Variants in CNGB1 observed in about 807,000 individuals in gnomAD.
CNGB1 encodes the protein cyclic nucleotide gated channel subunit beta 1, also known as cyclic nucleotide-gated channel beta-1.
CNGB1 carries 126 observed loss-of-function variants against 151.7 expected under a neutral mutation model. The ratio of observed to expected loss-of-function variants is 0.83; its 90% CI spans 0.72 to 0.96. The LOEUF is 0.96. Ranked by LOEUF, CNGB1 falls within the 40% of genes least tolerant of loss-of-function variation. CNGB1 has a pLI of 0.00. For missense variants in CNGB1, 1,698 were observed against 1,627.0 expected, an observed-to-expected ratio of 1.04 and a Z score of -0.75; for synonymous variants, 623 against 635.1, an observed-to-expected ratio of 0.98 and a Z score of 0.29.
At chr16:57,918,406 G>A (rs1331557777) in intron 20 of CNGB1, among the ~76,000 whole-genome samples, 1 of 152,194 alleles carries the variant, frequency 6.6e-6, no homozygotes, top group Non-Finnish European at 1.5e-5. Flanking sequence ...AGATAAGAAA[G>A]GCAGGGAGCC....
intron 25 of CNGB1, 61 bp from the exon 26 acceptor site, chr16:57,904,936 A>G: frequency 2.5e-6 from 4 of 1,606,542 alleles, no homozygotes; most frequent in Non-Finnish European, 3.4e-6. Flanking sequence ...CGCCCCGAGC[A>G]GTCTGGCTCA....
At chr16:57,925,040 T>C (rs1961146886) in intron 17 of CNGB1, among the ~76,000 whole-genome samples, 1 of 152,212 alleles carries the variant, frequency 6.6e-6, no homozygotes, top group African/African-American at 2.4e-5. Context: ...TCTTGCTCTG[T>C]CACCCAGGCT....
intron 18 of CNGB1, 69 bp downstream of exon 18, chr16:57,923,204 A>G: frequency 1.6e-6 from 2 of 1,223,664 alleles, no homozygotes; most frequent in Non-Finnish European, 2.3e-6. Context: ...AAGCATCCAC[A>G]CTAGCCCCCC....
chr16:57,901,308 G>A, intron 29 of CNGB1, 44 bp downstream of exon 29: 1 of 1,586,400 alleles, frequency 6.3e-7, no homozygotes, highest in Non-Finnish European at 8.6e-7. Flanking sequence ...AAGCCAGGGG[G>A]ATGGTGAACC....
At position 57,956,721 on chromosome 16, in the gene CNGB1, T is replaced by C. The variant is rs998751815; in HGVS notation, c.874+620A>G. Among the ~76,000 whole-genome samples the C allele has an allele frequency of 5.9e-5, 9 of 152,190 alleles. No homozygotes were observed. In the South Asian group the frequency reaches 8.3e-4, roughly 14 times the overall value. Reference sequence around the variant, plus strand: ...ACATAGTAGGCTGTCCTTAACTATGTATTGAATGAATGAATGAATGAATGC... The same window carrying C: ...ACATAGTAGGCTGTCCTTAACTATGCATTGAATGAATGAATGAATGAATGC... On this transcript the variant is annotated intron_variant, in intron 12 of 32. Transcript: ENST00000251102.
At chr16:57,916,043 C>A in intron 22 of CNGB1, 86 bp downstream of exon 22, 1 of 1,304,128 alleles carries the variant, frequency 7.7e-7, no homozygotes, top group South Asian at 1.2e-5. Flanking sequence ...AACCACATCT[C>A]ATGAACGCCC....
At chr16:57,916,820 A>G (rs1336856352) in intron 21 of CNGB1, among the ~76,000 whole-genome samples, 1 of 152,162 alleles carries the variant, frequency 6.6e-6, no homozygotes, top group East Asian at 1.9e-4. Flanking sequence ...CCCTGGGAGA[A>G]GTCAATTGCC....
intron 31 of CNGB1, among the ~76,000 whole-genome samples, chr16:57,888,509 C>G (rs1457776286): frequency 6.6e-6 from 1 of 152,142 alleles, no homozygotes; most frequent in Non-Finnish European, 1.5e-5. Context: ...GGCTCTGTCG[C>G]CCAGGCAGGA....
At chr16:57,912,856 T>A (rs1960765155) in intron 24 of CNGB1, 74 bp downstream of exon 24, 36 of 1,423,336 alleles carry the variant, frequency 2.5e-5, no homozygotes, top group Non-Finnish European at 3.1e-5. Context: ...CTGTGTTGTG[T>A]GTGTATTGCG....
chr16:57,939,087 G>A lies in CNGB1; in HGVS notation c.1372+343C>T, dbSNP rs568922630. On this transcript the variant is annotated intron_variant, in intron 16 of 32. Transcript: ENST00000251102. Reference sequence around the variant, plus strand: ...AAGTGGCAGGAGAGGCTGGCAGGAGGGACTGGCTGGGAGGGGCTGGTTAGG... The same window carrying A: ...AAGTGGCAGGAGAGGCTGGCAGGAGAGACTGGCTGGGAGGGGCTGGTTAGG... 3.9e-4 allele frequency among the ~76,000 whole-genome samples: 59 copies of A among 152,264 alleles called. 1 individual carries two copies. Among genetic ancestry groups the A allele is most frequent in the Middle Eastern group, 3.4e-3 (1 of 292 alleles).
At chr16:57,924,780 T>C (rs1380054842) in intron 17 of CNGB1, among the ~76,000 whole-genome samples, 1 of 152,114 alleles carries the variant, frequency 6.6e-6, no homozygotes, top group African/African-American at 2.4e-5. Flanking sequence ...CCCTTGGTAC[T>C]GTATAGTGAG....
At chr16:57,905,840 A>G (rs565726399) in intron 25 of CNGB1, among the ~76,000 whole-genome samples, 1 of 152,384 alleles carries the variant, frequency 6.6e-6, no homozygotes, top group Admixed American at 6.5e-5. Context: ...ACCAGATGCC[A>G]GCACCTTGAT....
chr16:57,913,017 G>A, intron 23 of CNGB1, 23 bp from the exon 24 acceptor site: 3 of 1,613,102 alleles, frequency 1.9e-6, no homozygotes, highest in Non-Finnish European at 1.7e-6. Context: ...GAGGGCGTGA[G>A]AGCAGCCCAC....
chr16:57,960,778 T>C (rs1962232155), intron 8 of CNGB1, 62 bp downstream of exon 8: 1 of 1,557,508 alleles, frequency 6.4e-7, no homozygotes, highest in Non-Finnish European at 8.8e-7. Flanking sequence ...AGGCAGTCCC[T>C]CCTGGGGCCC....
chr16:57,942,075 T>G (rs1961684026), intron 14 of CNGB1, among the ~76,000 whole-genome samples: 1 of 152,106 alleles, frequency 6.6e-6, no homozygotes, highest in South Asian at 2.1e-4. Context: ...AGAGATAGGG[T>G]CTTGCTACAT....
chr16:57,939,323 G>A, intron 16 of CNGB1, 107 bp downstream of exon 16: 2 of 1,496,278 alleles, frequency 1.3e-6, no homozygotes, highest in Middle Eastern at 1.7e-4. Flanking sequence ...TGGGGGGAAG[G>A]AGATGGAGGG....
rs140202960 is a variant in CNGB1, at chr16:57,950,675, TG to T, written c.875-136del. The T allele has an allele frequency of 7.8e-3, 6,740 of 861,496 alleles. 279 individuals carry two copies. In the African/African-American group the frequency reaches 0.099, roughly 13 times the overall value. 53.4% of individuals were successfully genotyped at this position (861,496 alleles called of 1,614,324 possible). A position where few individuals can be genotyped will look rare whatever the true frequency, so the allele number is the denominator to read the frequency against. On this transcript the variant is annotated intron_variant, in intron 12 of 32. Coordinates refer to ENST00000251102, the MANE Select transcript of CNGB1 (RefSeq NM_001297.5). ...AGTGCTTAGTCATGCAGTGGGGAAA[TG>T]GCACTTTCCATTTTCAGCGGGACCA...
rs774128463 is a variant in CNGB1 at position 57,919,213 on chromosome 16, G to A, written c.1843C>T (p.Pro615Ser). The part of the protein sequence containing the change: ...KAPEPAPDTK[P>S]AEAEPVEEEH... ...TCTTCCACTGGCTCGGCTTCAGCGG[G>A]CTTTGTGTCTGGAGCTGGCTCTGGG... Residue 615 changes from proline to serine, a missense_variant, in exon 20 of 33, where the codon CCC becomes TCC. Physicochemically the swap from Pro to Ser is moderately conservative, Grantham distance 74. Coordinates refer to ENST00000251102, the MANE Select transcript of CNGB1 (RefSeq NM_001297.5). 3.1e-6 allele frequency: 5 copies of A among 1,614,226 alleles called. No individual in the cohort carries two copies. The highest frequency in any genetic ancestry group is 4.2e-6 in the Non-Finnish European group (5 of 1,180,044).
At chr16:57,884,592 G>T (rs1959860368) in intron 32 of CNGB1, 135 bp from the exon 33 acceptor site, 3 of 907,036 alleles carry the variant, frequency 3.3e-6, no homozygotes, top group African/African-American at 3.3e-5. Flanking sequence ...GAAATCTAGT[G>T]GGTGGGGTGG....
Sources: gnomAD v4.1 joint callset for allele counts (sites outside exome capture counted in the v4.1 genomes callset) on GRCh38, gnomAD v4.1.1 for gene constraint, MANE v1.5 for transcripts, NCBI Gene and HGNC (gene_info 2026-07-23, HGNC 2026-07-21) for gene names.